ETS1: variants seen among roughly 807,000 people sequenced by gnomAD.
ETS1 encodes protein C-ets-1.
In ETS1, 15 loss-of-function variants were observed where a neutral mutation model predicts 58.6. That is an observed-to-expected ratio of 0.26 (90% CI 0.17 to 0.39). The LOEUF (loss-of-function observed/expected upper bound fraction) is 0.39. Among genes scored for constraint, ETS1 ranks in the 10% least tolerant of loss-of-function variants. The pLI is 1.00. For synonymous variants in ETS1, 214 were observed against 218.2 expected (o/e 0.98, Z 0.17); for missense variants, 417 against 610.5 (o/e 0.68, Z 3.34).
At chr11:128,512,135 T>G (rs867600424) in intron 3 of ETS1, among the ~76,000 whole-genome samples, 17 of 152,352 alleles carry the variant, frequency 1.1e-4, no homozygotes, top group Middle Eastern at 3.4e-3. Context: ...GGTTTGAATC[T>G]GAACTCCTCC....
chr11:128,569,318 C>CTTTTTTTTTCTTTTTTTTTTTTTTT (rs1864575712), intron 2 of ETS1, among the ~76,000 whole-genome samples: 1 of 39,460 alleles, frequency 2.5e-5, no homozygotes. Flanking sequence ...AGAGTTTCTT[C>CTTTTTTTTTCTTTTTTTTTTTTTTT]TTTTTTTTTT....
chr11:128,489,677 C>T (rs1035718681), intron 4 of ETS1, among the ~76,000 whole-genome samples, 187 bp from the exon 5 acceptor site: 5 of 152,204 alleles, frequency 3.3e-5, no homozygotes, highest in African/African-American at 4.8e-5. Context: ...TATTCAACAT[C>T]TCCGCCTTCT....
intron 3 of ETS1, chr11:128,521,818 C>G: frequency 2.1e-6 from 2 of 935,526 alleles, no homozygotes; most frequent in Non-Finnish European, 3.1e-6. Flanking sequence ...AGAAATGCAC[C>G]GCCCAGAAGG....
At chr11:128,550,047 A>G (rs1231140782) in intron 3 of ETS1, among the ~76,000 whole-genome samples, 1 of 152,224 alleles carries the variant, frequency 6.6e-6, no homozygotes, top group Non-Finnish European at 1.5e-5. Flanking sequence ...CCTTTTAACT[A>G]TACTACCCTC....
chr11:128,555,854 T>C (rs994185243), intron 3 of ETS1, among the ~76,000 whole-genome samples: 2 of 152,066 alleles, frequency 1.3e-5, no homozygotes, highest in Admixed American at 6.5e-5. Flanking sequence ...GGAAAAAGAA[T>C]TGGGATCCAG....
At chr11:128,561,573 C>T (rs1864405541) in intron 2 of ETS1, among the ~76,000 whole-genome samples, 1 of 152,022 alleles carries the variant, frequency 6.6e-6, no homozygotes, top group Non-Finnish European at 1.5e-5. Flanking sequence ...AAGAGTTGGG[C>T]CATGGGTGTC....
chr11:128,485,778 T>C (rs755574017), intron 6 of ETS1, among the ~76,000 whole-genome samples: 18 of 152,164 alleles, frequency 1.2e-4, no homozygotes, highest in Non-Finnish European at 2.2e-4. Flanking sequence ...CAGTATCAAA[T>C]AGGAACAAAA....
At chr11:128,520,746 C>T (rs1863645802) in intron 3 of ETS1, among the ~76,000 whole-genome samples, 2 of 152,120 alleles carry the variant, frequency 1.3e-5, no homozygotes, top group Admixed American at 1.3e-4. Context: ...ACCTACATGT[C>T]TTTATTAATA....
chr11:128,514,428 G>A lies in ETS1; in HGVS notation c.215-23852C>T, dbSNP rs1471471451. Among the ~76,000 whole-genome samples the A allele has an allele frequency of 2.6e-5, 4 of 151,876 alleles. No homozygotes were observed. The East Asian group carries it at 7.7e-4, about 29-fold the overall frequency. On this transcript the variant is annotated intron_variant, in intron 3 of 9. Coordinates refer to ENST00000392668, the MANE Select transcript of ETS1 (RefSeq NM_001143820.2). ...TTTTTTTTCCTTCATGTTTATCTAA[G>A]CATCTCTTTCATTCCAAACTTGCAG...
In ETS1 at chr11:128,522,638, T is replaced by C. The variant is rs536676716; in HGVS notation, c.215-32062A>G. 5.9e-5 allele frequency among the ~76,000 whole-genome samples: 9 copies of C among 152,224 alleles called. No individual in the cohort carries two copies. In the East Asian group the frequency reaches 1.7e-3, roughly 29 times the overall value. On this transcript the variant is annotated intron_variant, in intron 3 of 9. Transcript: ENST00000392668. Reference sequence around the variant, plus strand: ...GCCGGGAGCGGGTGTGCAGGCTGGGTGCACAGGCCGCCTCCACCGTTTCGG... The same window carrying C: ...GCCGGGAGCGGGTGTGCAGGCTGGGCGCACAGGCCGCCTCCACCGTTTCGG...
At chr11:128,493,822 T>C (rs11604768) in intron 3 of ETS1, among the ~76,000 whole-genome samples, 23,671 of 152,246 alleles carry the variant, frequency 0.16, 2,000 homozygotes, top group Middle Eastern at 0.33. Context: ...CAAAAATGTA[T>C]ATTAAATAGA....
chr11:128,522,086 G>A, intron 3 of ETS1: 2 of 1,353,496 alleles, frequency 1.5e-6, no homozygotes, highest in Non-Finnish European at 1.9e-6. Flanking sequence ...GGGGGAAGGG[G>A]ACGGGGGAAA....
Position 128,501,294 on chromosome 11 carries a change from T to A in ETS1, c.215-10718A>T, listed in dbSNP as rs181755408. On this transcript the variant is annotated intron_variant, in intron 3 of 9. Transcript: ENST00000392668. ...TTAAATGGGAACAATGAGATGATCA[T>A]CTTACTCCATAAGCTTTGACTGGTG... 3.0e-4 allele frequency among the ~76,000 whole-genome samples: 45 copies of A among 152,318 alleles called. 1 individual carries two copies. The highest frequency in any genetic ancestry group is 1.5e-3 in the South Asian group (7 of 4,820).
At chr11:128,525,038 AAATC>A (rs1392555967) in intron 3 of ETS1, among the ~76,000 whole-genome samples, 4 of 152,146 alleles carry the variant, frequency 2.6e-5, no homozygotes, top group African/African-American at 9.7e-5. Flanking sequence ...GGAAAAAAAA[AAATC>A]AATCAAATAA....
chr11:128,468,940 C>T (rs1862112431), intron 8 of ETS1, among the ~76,000 whole-genome samples: 1 of 152,152 alleles, frequency 6.6e-6, no homozygotes, highest in Non-Finnish European at 1.5e-5. Flanking sequence ...ATCCTCAATG[C>T]CAGGTATGAT....
chr11:128,479,261 T>C (rs1278361851), intron 8 of ETS1, among the ~76,000 whole-genome samples: 1 of 152,170 alleles, frequency 6.6e-6, no homozygotes, highest in Non-Finnish European at 1.5e-5. Context: ...GGTCCCTACA[T>C]GAAAACATAT....
chr11:128,564,351 C>G (rs1864455219), intron 2 of ETS1, among the ~76,000 whole-genome samples: 1 of 152,148 alleles, frequency 6.6e-6, no homozygotes, highest in African/African-American at 2.4e-5. Context: ...GGGCTTGGGC[C>G]TTGGTGAAAG....
intron 8 of ETS1, among the ~76,000 whole-genome samples, chr11:128,471,154 G>A (rs892411888): frequency 2.6e-5 from 4 of 152,254 alleles, no homozygotes; most frequent in African/African-American, 9.6e-5. Context: ...CCAAAGAGAC[G>A]GGTCCCACCA....
At chr11:128,522,342 C>T in intron 3 of ETS1, 1 of 1,025,710 alleles carries the variant, frequency 9.7e-7, no homozygotes, top group Non-Finnish European at 1.2e-6. Flanking sequence ...CGCCCTCCCG[C>T]GCTCTCCCCT....
Sources: gnomAD v4.1 joint callset for allele counts (sites outside exome capture counted in the v4.1 genomes callset) on GRCh38, gnomAD v4.1.1 for gene constraint, MANE v1.5 for transcripts, NCBI Gene and HGNC (gene_info 2026-07-23, HGNC 2026-07-21) for gene names.